MRTFB: variants seen among roughly 807,000 people sequenced by gnomAD.
MRTFB encodes the protein myocardin-related transcription factor B.
MRTFB carries 29 observed loss-of-function variants against 104.2 expected under a neutral mutation model. The ratio of observed to expected loss-of-function variants is 0.28; its 90% CI spans 0.21 to 0.38. MRTFB has a LOEUF of 0.38. Among genes scored for constraint, MRTFB ranks in the 10% least tolerant of loss-of-function variants. MRTFB has a pLI of 1.00. For missense variants in MRTFB, 1,270 were observed against 1,341.6 expected, an observed-to-expected ratio of 0.95 and a Z score of 0.83; for synonymous variants, 535 against 519.5, an observed-to-expected ratio of 1.03 and a Z score of -0.41.
chr16:14,057,332 G>A, the MRTFB span, among the ~76,000 whole-genome samples: 15 of 152,186 alleles, frequency 9.9e-5, no homozygotes, highest in South Asian at 3.1e-3. Context: ...TCACCCGATG[G>A]CCCTCTTACT....
At chr16:14,129,054 G>A (rs1019989821) in intron 2 of MRTFB, among the ~76,000 whole-genome samples, 4 of 152,180 alleles carry the variant, frequency 2.6e-5, no homozygotes, top group African/African-American at 9.7e-5. Context: ...AGCATAATGC[G>A]TTTGAGATTC....
At chr16:14,168,871 GTCT>G (rs1310359232) in intron 3 of MRTFB, among the ~76,000 whole-genome samples, 1 of 152,172 alleles carries the variant, frequency 6.6e-6, no homozygotes, top group Non-Finnish European at 1.5e-5. Flanking sequence ...GGCAAAGTTA[GTCT>G]TCTCCATTTT....
chr16:14,225,698 CT>C (rs1371029611), intron 8 of MRTFB, among the ~76,000 whole-genome samples: 4 of 144,108 alleles, frequency 2.8e-5, no homozygotes, highest in African/African-American at 8.5e-5. Context: ...TCATTCATGC[CT>C]GGCTAATTTT....
At chr16:14,029,360 C>G in the MRTFB span, among the ~76,000 whole-genome samples, 1 of 135,622 alleles carries the variant, frequency 7.4e-6, no homozygotes, top group Non-Finnish European at 1.5e-5. Context: ...GAGCCAAGAT[C>G]GAGATATTAC....
chr16:14,186,613 G>A, intron 3 of MRTFB: 1 of 964,184 alleles, frequency 1.0e-6, no homozygotes, highest in South Asian at 2.2e-5. Flanking sequence ...GGAATGGCAA[G>A]GGAAAGGGGG....
At chr16:14,050,431 A>G in the MRTFB span, among the ~76,000 whole-genome samples, 2 of 152,078 alleles carry the variant, frequency 1.3e-5, no homozygotes, top group Non-Finnish European at 2.9e-5. Context: ...TGGTGTGATC[A>G]TAGCTCACCA....
At chr16:14,039,696 A>C in the MRTFB span, among the ~76,000 whole-genome samples, 1 of 150,622 alleles carries the variant, frequency 6.6e-6, no homozygotes, top group Non-Finnish European at 1.5e-5. Context: ...CTTTTAATTT[A>C]CACTTGTGAT....
intron 10 of MRTFB, among the ~76,000 whole-genome samples, chr16:14,243,112 C>T (rs1318696412): frequency 6.6e-6 from 1 of 152,064 alleles, no homozygotes; most frequent in East Asian, 1.9e-4. Context: ...GGTGGAGAAA[C>T]ACTGATTTAA....
intron 3 of MRTFB, among the ~76,000 whole-genome samples, chr16:14,201,602 A>C (rs9939447): frequency 0.027 from 4,090 of 152,286 alleles, 199 homozygotes; most frequent in African/African-American, 0.093. Flanking sequence ...CCCAGTTAAT[A>C]TAAGTGGAAT....
At chr16:14,048,120 T>C in the MRTFB span, among the ~76,000 whole-genome samples, 2 of 152,142 alleles carry the variant, frequency 1.3e-5, no homozygotes, top group African/African-American at 4.8e-5. Context: ...AAATGTTCCA[T>C]GCAAGTTCAA....
chr16:14,098,287 A>G (rs995224494), intron 2 of MRTFB, among the ~76,000 whole-genome samples: 1 of 152,192 alleles, frequency 6.6e-6, no homozygotes, highest in African/African-American at 2.4e-5. Context: ...ATAGATGTGT[A>G]GAAGTAGCTC....
intron 10 of MRTFB, among the ~76,000 whole-genome samples, chr16:14,244,037 C>A (rs930346968): frequency 6.6e-6 from 1 of 152,034 alleles, no homozygotes; most frequent in Non-Finnish European, 1.5e-5. Flanking sequence ...GCCACCACGC[C>A]TGGCTAATTT....
At chr16:14,255,810 T>TA (rs796096462) in intron 15 of MRTFB, among the ~76,000 whole-genome samples, 4,369 of 148,196 alleles carry the variant, frequency 0.029, 219 homozygotes, top group African/African-American at 0.1. Context: ...AGATAGCTTT[T>TA]AAAAAAAAAA....
the MRTFB span, among the ~76,000 whole-genome samples, chr16:14,029,415 AAAAAATAT>A: frequency 4.4e-5 from 3 of 67,894 alleles, no homozygotes; most frequent in African/African-American, 1.2e-4. Context: ...TAAAAAAAAA[AAAAAATAT>A]ATATATATAT....
chr16:14,052,316 G>T, the MRTFB span, among the ~76,000 whole-genome samples: 58 of 152,122 alleles, frequency 3.8e-4, no homozygotes, highest in African/African-American at 1.2e-3. Context: ...CATATTTATG[G>T]GGTACATGTG....
chr16:14,135,472 T>C (rs539742778), intron 2 of MRTFB, among the ~76,000 whole-genome samples: 71 of 152,368 alleles, frequency 4.7e-4, no homozygotes, highest in African/African-American at 1.6e-3. Flanking sequence ...TGTAGCCTAC[T>C]AGCCATAGGC....
chr16:14,028,312 C>G, the MRTFB span, among the ~76,000 whole-genome samples: 1 of 152,160 alleles, frequency 6.6e-6, no homozygotes, highest in African/African-American at 2.4e-5. Context: ...AGGCCAGACC[C>G]AGGTCTTCCA....
Position 14,240,235 on chromosome 16 carries a change from A to G in MRTFB, c.832-2A>G, listed in dbSNP as rs1436092281. 1 of 1,587,216 alleles carries G rather than the reference A, an allele frequency of 6.3e-7. No individual in the cohort carries two copies. The highest frequency in any genetic ancestry group is 1.9e-5 in the Admixed American group (1 of 54,028). On this transcript the variant is annotated splice_acceptor_variant, in intron 9 of 16. Transcript: ENST00000571589. LOFTEE classifies it high-confidence loss of function. ...ATGTTATTTTCTTTTTCTCAAAAAT[A>G]GCAAAGCCATCCCAAGAATCCAAAT...
At chr16:14,028,187 A>AAAAC in the MRTFB span, among the ~76,000 whole-genome samples, 1 of 151,358 alleles carries the variant, frequency 6.6e-6, no homozygotes, top group Non-Finnish European at 1.5e-5. Flanking sequence ...AAAAAACAAA[A>AAAAC]AAACAAACAA....
Sources: gnomAD v4.1 joint callset for allele counts (sites outside exome capture counted in the v4.1 genomes callset) on GRCh38, gnomAD v4.1.1 for gene constraint, MANE v1.5 for transcripts, NCBI Gene and HGNC (gene_info 2026-07-23, HGNC 2026-07-21) for gene names.